KCNJ6: variants seen among roughly 807,000 people sequenced by gnomAD.
KCNJ6 encodes potassium inwardly rectifying channel subfamily J member 6, also known as G protein-activated inward rectifier potassium channel 2.
KCNJ6 carries 9 observed loss-of-function variants against 34.2 expected under a neutral mutation model. The observed-to-expected ratio is 0.26, with a 90% CI of 0.16 to 0.46. The LOEUF (loss-of-function observed/expected upper bound fraction) is 0.46, where lower values mean the gene tolerates loss of function less well. KCNJ6 is among the 20% of genes least tolerant of loss of function. The probability of loss-of-function intolerance (pLI) is 1.00; values close to 1 mark genes in which losing one functional copy is unlikely to be tolerated. For missense variants in KCNJ6, 236 were observed against 531.3 expected (o/e 0.44, Z 5.46); for synonymous variants, 196 against 207.1 (o/e 0.95, Z 0.46).
chr21:37,667,944 C>A (rs2054524382), intron 3 of KCNJ6, among the ~76,000 whole-genome samples: 1 of 152,014 alleles, frequency 6.6e-6, no homozygotes, highest in South Asian at 2.1e-4. Flanking sequence ...AGGAGGCATG[C>A]CAGAGCTCCT....
chr21:37,785,284 C>A (rs1236477151), intron 2 of KCNJ6, among the ~76,000 whole-genome samples: 1 of 152,184 alleles, frequency 6.6e-6, no homozygotes, highest in Non-Finnish European at 1.5e-5. Flanking sequence ...AAAACTTCCA[C>A]AAGTGAGTTC....
chr21:37,742,984 C>T (rs2054948688), intron 2 of KCNJ6, among the ~76,000 whole-genome samples: 2 of 152,190 alleles, frequency 1.3e-5, no homozygotes, highest in South Asian at 4.1e-4. Flanking sequence ...GGCTCTTCCT[C>T]AGCCCCCATA....
chr21:37,859,600 C>A (rs933332660), intron 1 of KCNJ6, among the ~76,000 whole-genome samples: 3 of 145,962 alleles, frequency 2.1e-5, no homozygotes, highest in Non-Finnish European at 4.5e-5. Flanking sequence ...GTTTTTCATT[C>A]CAGGGCTTCT....
intron 3 of KCNJ6, among the ~76,000 whole-genome samples, chr21:37,661,195 C>T (rs1250472867): frequency 1.3e-5 from 2 of 152,154 alleles, no homozygotes; most frequent in Non-Finnish European, 2.9e-5. Flanking sequence ...ATAAGACCCC[C>T]TCCCCACTCC....
At chr21:37,892,933 A>G (rs574284412) in intron 1 of KCNJ6, among the ~76,000 whole-genome samples, 1 of 149,032 alleles carries the variant, frequency 6.7e-6, no homozygotes, top group East Asian at 2.0e-4. Flanking sequence ...GCTCAGTGCA[A>G]GCTCCACCTC....
intron 3 of KCNJ6, among the ~76,000 whole-genome samples, chr21:37,694,889 C>T (rs1051143714): frequency 6.6e-6 from 1 of 152,200 alleles, no homozygotes; most frequent in Admixed American, 6.5e-5. Flanking sequence ...AGAGGAAAGG[C>T]CCCGTGAAGA....
rs1297557117 is a variant in KCNJ6 at position 37,712,467 on chromosome 21, CTCTCCCTCCTCCCTT to C, written c.946+1729_946+1743del. Among the ~76,000 whole-genome samples the C allele has an allele frequency of 2.2e-3, 223 of 101,874 alleles. 2 individuals are homozygous for C. Among genetic ancestry groups the C allele is most frequent in the African/African-American group, 5.7e-3 (205 of 35,888 alleles). The allele number at this position is 101,874 out of a possible 152,430, so 66.8% of individuals were successfully genotyped here. A position where few individuals can be genotyped will look rare whatever the true frequency, so the allele number is the denominator to read the frequency against. On this transcript the variant is annotated intron_variant, in intron 3 of 3. Coordinates refer to ENST00000609713, the MANE Select transcript of KCNJ6 (RefSeq NM_002240.5). ...CTCCTCCCCAGCCTCCCCTCCTCCT[CTCTCCCTCCTCCCTT>C]TCTCTTCCCTCCCTCCTCCCCTTCT...
chr21:37,631,780 G>C (rs2054334711), intron 3 of KCNJ6, among the ~76,000 whole-genome samples: 1 of 152,206 alleles, frequency 6.6e-6, no homozygotes. Context: ...CTGTGAGTCA[G>C]AGACGGGAGT....
At chr21:37,733,452 TG>T in intron 2 of KCNJ6, among the ~76,000 whole-genome samples, 1 of 152,180 alleles carries the variant, frequency 6.6e-6, no homozygotes, top group Non-Finnish European at 1.5e-5. Context: ...TAACTAGATT[TG>T]GGGTTTCAAA....
chr21:37,674,146 C>G (rs929203964), intron 3 of KCNJ6, among the ~76,000 whole-genome samples: 2 of 152,182 alleles, frequency 1.3e-5, no homozygotes, highest in African/African-American at 4.8e-5. Flanking sequence ...TCTTTTTCAC[C>G]TTCAACCCAA....
intron 2 of KCNJ6, among the ~76,000 whole-genome samples, chr21:37,724,225 C>T (rs1424556284): frequency 6.6e-6 from 1 of 152,010 alleles, no homozygotes; most frequent in African/African-American, 2.4e-5. Context: ...AGATTAGATG[C>T]AAGGGTCGGC....
Position 37,611,839 on chromosome 21 carries a change from A to G in KCNJ6, c.*13320T>C, listed in dbSNP as rs2054243740. The G allele has an allele frequency of 6.6e-6, 1 of 152,096 alleles. No homozygotes were observed. The highest frequency in any genetic ancestry group is 1.9e-4 in the East Asian group (1 of 5,202). 9.4% of individuals were successfully genotyped at this position (152,096 alleles called of 1,614,324 possible). A position where few individuals can be genotyped will look rare whatever the true frequency, so the allele number is the denominator to read the frequency against. ...GAGAAGCCCCTCAACCTGATAAACA[A>G]TATCTAAAAAAAAAACCTTACAGCT... On this transcript the variant is annotated 3_prime_UTR_variant, in exon 4 of 4. Coordinates refer to ENST00000609713, the MANE Select transcript of KCNJ6 (RefSeq NM_002240.5).
At chr21:37,759,772 C>G (rs972471254) in intron 2 of KCNJ6, among the ~76,000 whole-genome samples, 3 of 152,208 alleles carry the variant, frequency 2.0e-5, no homozygotes, top group Non-Finnish European at 4.4e-5. Flanking sequence ...TTAGACACTC[C>G]TTCCTTCCAA....
intron 3 of KCNJ6, among the ~76,000 whole-genome samples, chr21:37,697,365 G>T (rs769519290): frequency 4.6e-5 from 7 of 152,290 alleles, no homozygotes; most frequent in African/African-American, 1.7e-4. Flanking sequence ...TCGATTGGCT[G>T]GGGGAAAGGA....
intron 1 of KCNJ6, among the ~76,000 whole-genome samples, chr21:37,913,342 C>T (rs1157389443): frequency 6.6e-6 from 1 of 152,222 alleles, no homozygotes; most frequent in East Asian, 1.9e-4. Flanking sequence ...TTTCCTACGA[C>T]TGCAACCTAG....
intron 3 of KCNJ6, among the ~76,000 whole-genome samples, chr21:37,654,414 T>A (rs368682733): frequency 1.4e-5 from 2 of 145,500 alleles, no homozygotes; most frequent in Non-Finnish European, 1.5e-5. Flanking sequence ...TGACATTTGG[T>A]AAAAAAAAAA....
chr21:37,909,217 A>G (rs766214801), intron 1 of KCNJ6, among the ~76,000 whole-genome samples: 1 of 152,212 alleles, frequency 6.6e-6, no homozygotes, highest in Admixed American at 6.5e-5. Context: ...TAAATTAGTG[A>G]GATTTAGATA....
Position 37,888,451 on chromosome 21 carries a change from T to A in KCNJ6, c.-28+27433A>T, listed in dbSNP as rs570629512. ...ATACAAGGGCCAGATGGATTTTTTT[T>A]AAGTTCTCCAAAGGTTGACTTTGGA... is the stretch of plus-strand genomic sequence containing the variant. On this transcript the variant is annotated intron_variant, in intron 1 of 3. Coordinates refer to ENST00000609713, the MANE Select transcript of KCNJ6 (RefSeq NM_002240.5). Among the ~76,000 whole-genome samples the A allele has an allele frequency of 6.6e-5, 10 of 152,370 alleles. No homozygotes were observed. The South Asian group carries it at 1.0e-3, about 16-fold the overall frequency.
chr21:37,850,398 C>T (rs905594733), intron 1 of KCNJ6, among the ~76,000 whole-genome samples: 1 of 152,070 alleles, frequency 6.6e-6, no homozygotes, highest in Non-Finnish European at 1.5e-5. Context: ...GCATTTCCAC[C>T]TGAGCTGCAC....
Sources: gnomAD v4.1 joint callset for allele counts (sites outside exome capture counted in the v4.1 genomes callset) on GRCh38, gnomAD v4.1.1 for gene constraint, MANE v1.5 for transcripts, NCBI Gene and HGNC (gene_info 2026-07-23, HGNC 2026-07-21) for gene names.